The following FGD5 variants were observed in gnomAD, a reference collection of about 807,000 sequenced individuals.
FGD5 encodes the protein FYVE, RhoGEF and PH domain-containing protein 5.
In FGD5, 28 loss-of-function variants were observed where a neutral mutation model predicts 133.4. That is an observed-to-expected ratio of 0.21 (90% CI 0.16 to 0.29). The LOEUF (loss-of-function observed/expected upper bound fraction) is 0.29. Among genes scored for constraint, FGD5 ranks in the 10% least tolerant of loss-of-function variants. The pLI, the probability that FGD5 is intolerant of heterozygous loss-of-function variation, is 1.00. For synonymous variants in FGD5, 810 were observed against 776.5 expected (o/e 1.04, Z -0.72); for missense variants, 1,858 against 1,895.2 (o/e 0.98, Z 0.36).
chr3:14,864,301 G>A (rs2037454615), intron 2 of FGD5, 41 bp downstream of exon 2: 2 of 1,612,762 alleles, frequency 1.2e-6, no homozygotes, highest in African/African-American at 2.7e-5. Context: ...TCGGAGACGT[G>A]AGGGTGGAGA....
At chr3:14,857,392 C>T (rs1450822004) in intron 1 of FGD5, among the ~76,000 whole-genome samples, 5 of 152,248 alleles carry the variant, frequency 3.3e-5, no homozygotes, top group Non-Finnish European at 4.4e-5. Context: ...TGGCTTCAAG[C>T]GATCCTCCTG....
At position 14,819,839 on chromosome 3, in the gene FGD5, G is replaced by A; in HGVS notation, c.768G>A (p.Lys256=). The change falls in exon 1 of 20, where the codon AAG becomes AAA. Residue 256 remains lysine (K), a synonymous_variant. Coordinates refer to ENST00000285046, the MANE Select transcript of FGD5 (RefSeq NM_152536.4). The surrounding 1 kb of genome is among the most constrained non-coding windows in gnomAD (Gnocchi z 4.1). ...AEDTSEEPPE[K]EELAGVQEAE... ...ACACCAGTGAGGAGCCCCCTGAGAAGGAGGAGCTGGCCGGGGTCCAGGAGG... is the reference window on the plus strand; with the variant it reads ...ACACCAGTGAGGAGCCCCCTGAGAAAGAGGAGCTGGCCGGGGTCCAGGAGG... 6.2e-7 allele frequency: 1 copy of A among 1,608,670 alleles called. No individual in the cohort carries two copies. Among genetic ancestry groups the A allele is most frequent in the Non-Finnish European group, 8.5e-7 (1 of 1,177,540 alleles).
chr3:14,902,752 G>A (rs1007818218), intron 9 of FGD5, among the ~76,000 whole-genome samples: 3 of 152,158 alleles, frequency 2.0e-5, no homozygotes, highest in African/African-American at 7.2e-5. Context: ...GCACCCTGTC[G>A]AGGAATAGCA....
intron 1 of FGD5, among the ~76,000 whole-genome samples, chr3:14,855,725 G>A (rs896656633): frequency 6.6e-6 from 1 of 151,690 alleles, no homozygotes; most frequent in Non-Finnish European, 1.5e-5. Context: ...GTGTGTGTGT[G>A]TATGTTTTTT....
At position 14,844,246 on chromosome 3, in the gene FGD5, A is replaced by G. The variant is rs1349789366; in HGVS notation, c.2526-19882A>G. Among the ~76,000 whole-genome samples, 3 of 56,830 alleles carry G rather than the reference A, an allele frequency of 5.3e-5. 1 individual carries two copies. The highest frequency in any genetic ancestry group is 1.0e-4 in the Non-Finnish European group (3 of 28,608). The allele number at this position is 56,830 out of a possible 152,430, so 37.3% of individuals were successfully genotyped here. ...TATATATATATATATATATATATATATATATATATATATATATATATATAT... is the reference window on the plus strand; with the variant it reads ...TATATATATATATATATATATATATGTATATATATATATATATATATATAT... On this transcript the variant is annotated intron_variant, in intron 1 of 19. Coordinates refer to ENST00000285046, the MANE Select transcript of FGD5 (RefSeq NM_152536.4).
chr3:14,814,083 T>C (rs2036335431), upstream of FGD5, among the ~76,000 whole-genome samples: 1 of 152,102 alleles, frequency 6.6e-6, no homozygotes, highest in Non-Finnish European at 1.5e-5. Flanking sequence ...CAGGAGGCCC[T>C]GGGCATTAGT....
chr3:14,869,013 A>G (rs2342883), intron 2 of FGD5, among the ~76,000 whole-genome samples: 103,827 of 152,030 alleles, frequency 0.68, 35,724 homozygotes, highest in African/African-American at 0.77. Context: ...ACAAACTGGC[A>G]GCCAGGCACG....
intron 1 of FGD5, among the ~76,000 whole-genome samples, chr3:14,812,809 C>G (rs779497390): frequency 6.6e-6 from 1 of 152,158 alleles, no homozygotes; most frequent in Non-Finnish European, 1.5e-5. Context: ...GACTAAAACA[C>G]GTAAGGTGCC....
intron 17 of FGD5, among the ~76,000 whole-genome samples, chr3:14,924,688 TAGTC>T (rs2038759767): frequency 1.3e-5 from 2 of 152,202 alleles, no homozygotes. Flanking sequence ...GCTTCCAAGT[TAGTC>T]CATTAATATC....
Position 14,880,591 on chromosome 3 carries a change from C to T in FGD5, c.2678C>T (p.Ala893Val). The change falls in exon 3 of 20, where the codon GCC (alanine) becomes GTC (valine). Residue 893 changes from alanine (A) to valine (V), a missense_variant. Transcript: ENST00000285046. Reference protein sequence around the residue: ...VTHKVEGQSRALVIAQELLSS... With the variant: ...VTHKVEGQSRVLVIAQELLSS... Reference sequence around the variant, plus strand: ...CCACAGGTGGAAGGACAGTCCAGAGCCCTTGTCATCGCACAGGAACTGCTA... The same window carrying T: ...CCACAGGTGGAAGGACAGTCCAGAGTCCTTGTCATCGCACAGGAACTGCTA... The T allele has an allele frequency of 6.2e-7, 1 of 1,613,928 alleles. No homozygotes were observed. Among genetic ancestry groups the T allele is most frequent in the Non-Finnish European group, 8.5e-7 (1 of 1,179,898 alleles).
chr3:14,841,065 G>T (rs1016240434), intron 1 of FGD5, among the ~76,000 whole-genome samples: 1 of 152,176 alleles, frequency 6.6e-6, no homozygotes, highest in South Asian at 2.1e-4. Context: ...GAGTGCTTCT[G>T]ATATTTGGCT....
chr3:14,931,170 G>A (rs2038893541), intron 18 of FGD5: 1 of 152,146 alleles, frequency 6.6e-6, no homozygotes, highest in Non-Finnish European at 1.5e-5. Flanking sequence ...GATGTTAGCT[G>A]TAGGTATTTT....
chr3:14,890,433 G>A (rs1167657135), intron 4 of FGD5, among the ~76,000 whole-genome samples: 1 of 152,154 alleles, frequency 6.6e-6, no homozygotes, highest in East Asian at 1.9e-4. Flanking sequence ...TGCAGAGCAG[G>A]CACTCCGAAT....
intron 1 of FGD5, among the ~76,000 whole-genome samples, chr3:14,858,333 G>T (rs1173973729): frequency 6.8e-6 from 1 of 147,000 alleles, no homozygotes; most frequent in Non-Finnish European, 1.5e-5. Flanking sequence ...CAGATGTCCA[G>T]TGTCCTGAAG....
At position 14,922,473 on chromosome 3, in the gene FGD5, C is replaced by A. The variant is rs763455633; in HGVS notation, c.3732C>A (p.His1244Gln). Residue 1244 changes from histidine to glutamine, a missense_variant, in exon 15 of 20, where the codon CAC becomes CAA. By Grantham distance (24) the His-to-Gln change is conservative. Coordinates refer to ENST00000285046, the MANE Select transcript of FGD5 (RefSeq NM_152536.4). The surrounding 1 kb of genome is among the most constrained non-coding windows in gnomAD (Gnocchi z 4.1). ...ERPPTLVPVT[H>Q]VMMCMNCGCD... Reference sequence around the variant, plus strand: ...CCCCCACCCTGGTGCCTGTCACACACGTCATGATGTGCATGAACTGCGGCT... The same window carrying A: ...CCCCCACCCTGGTGCCTGTCACACAAGTCATGATGTGCATGAACTGCGGCT... 2 of 1,578,986 alleles carry A rather than the reference C, an allele frequency of 1.3e-6. No individual in the cohort carries two copies. The highest frequency in any genetic ancestry group is 1.7e-6 in the Non-Finnish European group (2 of 1,162,578).
chr3:14,922,613 C>G lies in FGD5; in HGVS notation c.3807+65C>G. 5.9e-6 allele frequency: 9 copies of G among 1,521,732 alleles called. No individual in the cohort carries two copies. The highest frequency in any genetic ancestry group is 7.9e-6 in the Non-Finnish European group (9 of 1,135,916). The allele number at this position is 1,521,732 out of a possible 1,614,324, so 94.3% of individuals were successfully genotyped here. ...GGGGTGGGGGAAGGGCATGTCCCTG[C>G]CCAGCCGGGGGCTCAGGGATGTCCA... On this transcript the variant is annotated intron_variant, in intron 15 of 19. Transcript: ENST00000285046. This position sits in a 1 kb window ranked among gnomAD's most constrained non-coding sequence, Gnocchi z 4.1.
chr3:14,922,665 G>A lies in FGD5; in HGVS notation c.3807+117G>A, dbSNP rs2038709008. ...CAGCTACTGTAAGCCCCAGAGTGAG[G>A]CATGTTCACACCAACCCGAGAGGAA... On this transcript the variant is annotated intron_variant, in intron 15 of 19. Coordinates refer to ENST00000285046, the MANE Select transcript of FGD5 (RefSeq NM_152536.4). The surrounding 1 kb of genome is among the most constrained non-coding windows in gnomAD (Gnocchi z 4.1). 1.5e-6 allele frequency: 2 copies of A among 1,374,536 alleles called. No individual in the cohort carries two copies. The highest frequency in any genetic ancestry group is 2.2e-5 in the Admixed American group (1 of 45,718). The allele number at this position is 1,374,536 out of a possible 1,614,324, so 85.1% of individuals were successfully genotyped here.
chr3:14,923,938 A>T, intron 16 of FGD5, 70 bp from the exon 17 acceptor site: 1 of 1,581,474 alleles, frequency 6.3e-7, no homozygotes, highest in Non-Finnish European at 8.6e-7. Context: ...TTTTACAGGA[A>T]TCAGTGTTCC....
chr3:14,892,033 C>T (rs902189900), intron 4 of FGD5, among the ~76,000 whole-genome samples: 1 of 151,874 alleles, frequency 6.6e-6, no homozygotes, highest in Non-Finnish European at 1.5e-5. Flanking sequence ...TCCCACCTCC[C>T]TGTCCTCTTT....
Sources: gnomAD v4.1 joint callset for allele counts (sites outside exome capture counted in the v4.1 genomes callset) on GRCh38, gnomAD v4.1.1 for gene constraint, Gnocchi (gnomAD v3.1) non-coding constraint, MANE v1.5 for transcripts, NCBI Gene and HGNC (gene_info 2026-07-23, HGNC 2026-07-21) for gene names.